PEG3: variants seen among roughly 807,000 people sequenced by gnomAD.
PEG3 encodes the protein paternally expressed 3.
Under a neutral mutation model 35.5 loss-of-function variants are expected in PEG3, and 23 were observed. The ratio of observed to expected loss-of-function variants is 0.65; its 90% CI spans 0.47 to 0.92. The LOEUF (loss-of-function observed/expected upper bound fraction) is 0.92, where lower values mean the gene tolerates loss of function less well. Among genes scored for constraint, PEG3 ranks in the 40% least tolerant of loss-of-function variants. The pLI is 0.00. For missense variants in PEG3, 1,960 were observed against 1,985.3 expected, an observed-to-expected ratio of 0.99 and a Z score of 0.24; for synonymous variants, 707 against 697.0, an observed-to-expected ratio of 1.01 and a Z score of -0.23.
Position 56,812,097 on chromosome 19 carries a change from C to G in PEG3, c.*1578G>C, listed in dbSNP as rs1344520609. 1 of 978,176 alleles carries G rather than the reference C, an allele frequency of 1.0e-6. No homozygotes were observed. The highest frequency in any genetic ancestry group is 1.2e-6 in the Non-Finnish European group (1 of 823,456). 60.6% of individuals were successfully genotyped at this position (978,176 alleles called of 1,614,324 possible). A position where few individuals can be genotyped will look rare whatever the true frequency, so the allele number is the denominator to read the frequency against. On this transcript the variant is annotated 3_prime_UTR_variant, in exon 10 of 10. Coordinates refer to ENST00000326441, the MANE Select transcript of PEG3 (RefSeq NM_006210.3). ...ATTTTGCTTGTTCAAATGATCTACACTTACATTTTGCAAATCTTTTTTTTT... is the reference window on the plus strand; with the variant it reads ...ATTTTGCTTGTTCAAATGATCTACAGTTACATTTTGCAAATCTTTTTTTTT...
chr19:56,812,140 T>A lies in PEG3; in HGVS notation c.*1535A>T. Reference sequence around the variant, plus strand: ...TTTTTTTTAAATTTTTTAAATTTTATATTTTTTTTCCAGCCAACTCAAGGC... The same window carrying A: ...TTTTTTTTAAATTTTTTAAATTTTAAATTTTTTTTCCAGCCAACTCAAGGC... On this transcript the variant is annotated 3_prime_UTR_variant, in exon 10 of 10. Coordinates refer to ENST00000326441, the MANE Select transcript of PEG3 (RefSeq NM_006210.3). 1 of 967,288 alleles carries A rather than the reference T, an allele frequency of 1.0e-6. No homozygotes were observed. The highest frequency in any genetic ancestry group is 1.8e-5 in the African/African-American group (1 of 57,014). 59.9% of individuals were successfully genotyped at this position (967,288 alleles called of 1,614,324 possible).
intron 1 of PEG3, among the ~76,000 whole-genome samples, chr19:56,840,035 C>T (rs771797980): frequency 5.3e-5 from 8 of 152,236 alleles, no homozygotes; most frequent in Non-Finnish European, 8.8e-5. Context: ...CAAGCCCCGC[C>T]CCCAGAGGGT....
rs770060531 is a variant in PEG3, at chr19:56,824,616, T to A, written c.40A>T (p.Lys14Ter). 4.0e-4 allele frequency: 649 copies of A among 1,607,538 alleles called. 5 individuals are homozygous for A. In the African/African-American group the frequency reaches 7.0e-3, roughly 17 times the overall value. ...PKHLSATKPK[K>*]SWAPNLYELD... is the part of the protein sequence containing the mutation. The stretch of plus-strand genomic sequence containing the variant: ...TCATACAGATTTGGGGCCCAGGACT[T>A]CTTAGGTTTGGTGGCAGACAAGTGC... The change falls in exon 4 of 10, where the codon AAG becomes TAG. Residue 14 changes from lysine to a stop codon, truncating the protein, a stop_gained. Coordinates refer to ENST00000326441, the MANE Select transcript of PEG3 (RefSeq NM_006210.3). LOFTEE classifies it high-confidence loss of function.
At position 56,823,665 on chromosome 19, in the gene PEG3, C is replaced by T; in HGVS notation, c.409G>A (p.Asp137Asn). The T allele has an allele frequency of 6.2e-7, 1 of 1,614,154 alleles. No homozygotes were observed. Residue 137 changes from aspartate to asparagine, a missense_variant, in exon 5 of 10, where the codon GAC becomes AAC. Around this residue, in one of 5 missense-constraint regions of PEG3, gnomAD observed 613 missense variants for 577.1 expected, o/e 1.06. Transcript: ENST00000326441. ...GTCATGTCGTCGTCGCTGGTCACGT[C>T]ACTGTTGTTGTCGTCTAAGAGGACA... is the stretch of plus-strand genomic sequence containing the variant. ...MYQPEDDNNS[D>N]VTSDDDMTRN...
At chr19:56,818,525 C>T in intron 8 of PEG3, 75 bp downstream of exon 8, 2 of 1,504,444 alleles carry the variant, frequency 1.3e-6, no homozygotes, top group Non-Finnish European at 1.8e-6. Flanking sequence ...CTCTAACATC[C>T]AGCTTAAAAA....
intron 5 of PEG3, among the ~76,000 whole-genome samples, chr19:56,823,074 C>T (rs1261129294): frequency 2.0e-5 from 3 of 152,204 alleles, no homozygotes; most frequent in African/African-American, 4.8e-5. Flanking sequence ...TTCCAAAGCT[C>T]AGTCCAGTAG....
At position 56,817,160 on chromosome 19, in the gene PEG3, C is replaced by G. The variant is rs146055813; in HGVS notation, c.1282G>C (p.Val428Leu). The G allele has an allele frequency of 6.2e-7, 1 of 1,614,198 alleles. No homozygotes were observed. The highest frequency in any genetic ancestry group is 8.5e-7 in the Non-Finnish European group (1 of 1,180,026). The part of the protein sequence containing the change: ...CGSEMRKAMS[V>L]SSLSSLSSPS... ...GAGCTGAGGCTGCTCAGGCTGCTCA[C>G]GCTCATGGCTTTTCTCATCTCACTA... is the stretch of plus-strand genomic sequence containing the variant. The change falls in exon 10 of 10, where the codon GTG becomes CTG. Residue 428 changes from valine to leucine, a missense_variant. This residue lies in a region of PEG3 where 613 missense variants were observed against 577.1 expected (regional missense o/e 1.06). Transcript: ENST00000326441.
chr19:56,831,952 T>G (rs2061606841), intron 2 of PEG3, among the ~76,000 whole-genome samples: 1 of 152,170 alleles, frequency 6.6e-6, no homozygotes, highest in Non-Finnish European at 1.5e-5. Context: ...AGACCTTGAG[T>G]GTGAACTGTT....
In PEG3 at chr19:56,811,623, AG is replaced by A. The variant is rs2059548133; in HGVS notation, c.*2051del. 2.0e-6 allele frequency: 2 copies of A among 985,340 alleles called. No homozygotes were observed. Among genetic ancestry groups the A allele is most frequent in the Admixed American group, 1.2e-4 (2 of 16,284 alleles). The allele number at this position is 985,340 out of a possible 1,614,324, so 61.0% of individuals were successfully genotyped here. A position where few individuals can be genotyped will look rare whatever the true frequency, so the allele number is the denominator to read the frequency against. ...ACCACTGCCAACAATGTTAACACCA[AG>A]TAATGTACCCACAAAGTTCACCCCG... On this transcript the variant is annotated 3_prime_UTR_variant, in exon 10 of 10. Coordinates refer to ENST00000326441, the MANE Select transcript of PEG3 (RefSeq NM_006210.3).
chr19:56,835,747 T>G (rs2146632107), intron 2 of PEG3, among the ~76,000 whole-genome samples: 1 of 152,354 alleles, frequency 6.6e-6, no homozygotes, highest in African/African-American at 2.4e-5. Flanking sequence ...CTCATGCTTC[T>G]TTAATCACCA....
chr19:56,810,263 G>A lies in PEG3; in HGVS notation c.*3412C>T. 2 of 983,092 alleles carry A rather than the reference G, an allele frequency of 2.0e-6. No homozygotes were observed. The highest frequency in any genetic ancestry group is 2.4e-6 in the Non-Finnish European group (2 of 827,914). The allele number at this position is 983,092 out of a possible 1,614,324, so 60.9% of individuals were successfully genotyped here. On this transcript the variant is annotated 3_prime_UTR_variant, in exon 10 of 10. Transcript: ENST00000326441. ...TCTTCTACATTTCTGTAACTTCAAAGTTTCTATAATGAACACATTTCATAT... is the reference window on the plus strand; with the variant it reads ...TCTTCTACATTTCTGTAACTTCAAAATTTCTATAATGAACACATTTCATAT...
At chr19:56,824,934 G>T in intron 3 of PEG3, 193 bp from the exon 4 acceptor site, 1 of 358,088 alleles carries the variant, frequency 2.8e-6, no homozygotes. Context: ...AGACCTACTC[G>T]AGGAGTTAGC....
chr19:56,818,849 G>C, intron 7 of PEG3, 147 bp from the exon 8 acceptor site: 2 of 894,428 alleles, frequency 2.2e-6, no homozygotes, highest in Non-Finnish European at 3.5e-6. Flanking sequence ...CAAGTCAAGT[G>C]TTACTAGGGA....
At chr19:56,826,174 G>C (rs1007149931) in intron 3 of PEG3, among the ~76,000 whole-genome samples, 1 of 152,200 alleles carries the variant, frequency 6.6e-6, no homozygotes, top group Non-Finnish European at 1.5e-5. Context: ...AGACCAGAGA[G>C]TCCAGGCTCC....
rs2059694522 is a variant in PEG3, at chr19:56,813,634, C to G, written c.*41G>C. Reference sequence around the variant, plus strand: ...GGATTCTCTGTGGTTTGGTAAGGGTCAAGTCCTAGGTGAAGGTTTTCTAAC... The same window carrying G: ...GGATTCTCTGTGGTTTGGTAAGGGTGAAGTCCTAGGTGAAGGTTTTCTAAC... On this transcript the variant is annotated 3_prime_UTR_variant, in exon 10 of 10. Coordinates refer to ENST00000326441, the MANE Select transcript of PEG3 (RefSeq NM_006210.3). The G allele has an allele frequency of 2.5e-6, 4 of 1,573,976 alleles. No individual in the cohort carries two copies. In the East Asian group the frequency reaches 9.0e-5, roughly 35 times the overall value.
In PEG3 at chr19:56,814,337, C is replaced by T. The variant is rs180768721; in HGVS notation, c.4105G>A (p.Ala1369Thr). The T allele has an allele frequency of 1.3e-4, 209 of 1,613,376 alleles. No homozygotes were observed. Among genetic ancestry groups the T allele is most frequent in the Admixed American group, 1.2e-3 (73 of 59,996 alleles). ...EEDEAAAAAA[A>T]AAQEVEANVH... is the part of the protein sequence containing the mutation. ...TTGGCTTCAACTTCCTGGGCTGCTG[C>T]TGCTGCAGCTGCTGCTGCTTCATCT... Residue 1369 changes from alanine (A) to threonine (T), a missense_variant, in exon 10 of 10, where the codon GCA becomes ACA. By Grantham distance (58) the Ala-to-Thr change is moderately conservative. Around this residue, in one of 5 missense-constraint regions of PEG3, gnomAD observed 416 missense variants for 416.7 expected, o/e 1.00. Transcript: ENST00000326441. This position sits in a 1 kb window ranked among gnomAD's most constrained non-coding sequence, Gnocchi z 5.8.
At chr19:56,840,236 C>A (rs546442236) in intron 1 of PEG3, among the ~76,000 whole-genome samples, 25 of 152,336 alleles carry the variant, frequency 1.6e-4, no homozygotes, top group Non-Finnish European at 2.6e-4. Flanking sequence ...CTAATGCCCC[C>A]GGTTTGCTGC....
chr19:56,821,757 G>A lies in PEG3; in HGVS notation c.566-3C>T. 3 of 1,612,954 alleles carry A rather than the reference G, an allele frequency of 1.9e-6. No homozygotes were observed. The highest frequency in any genetic ancestry group is 2.5e-6 in the Non-Finnish European group (3 of 1,179,300). On this transcript the variant is annotated splice_polypyrimidine_tract_variant and splice_region_variant and intron_variant, in intron 6 of 9. Coordinates refer to ENST00000326441, the MANE Select transcript of PEG3 (RefSeq NM_006210.3). Reference sequence around the variant, plus strand: ...GGAAAGATCCCGCGGAGGCATCCCTGGGAAGAAAAAAGGCATCAACAAGAA... The same window carrying A: ...GGAAAGATCCCGCGGAGGCATCCCTAGGAAGAAAAAAGGCATCAACAAGAA...
At chr19:56,836,957 C>A (rs2062186676) in intron 1 of PEG3, among the ~76,000 whole-genome samples, 1 of 125,584 alleles carries the variant, frequency 8.0e-6, no homozygotes. Context: ...GTGAGAGGGC[C>A]AGACTCTGTC....
Sources: gnomAD v4.1 joint callset for allele counts (sites outside exome capture counted in the v4.1 genomes callset) on GRCh38, gnomAD v4.1.1 for gene constraint, gnomAD v4.1.1 regional missense constraint, Gnocchi (gnomAD v3.1) non-coding constraint, MANE v1.5 for transcripts, NCBI Gene and HGNC (gene_info 2026-07-23, HGNC 2026-07-21) for gene names.